CSMD1: variants seen among roughly 807,000 people sequenced by gnomAD.
CSMD1 encodes CUB and Sushi multiple domains 1.
A neutral mutation model predicts 417.5 loss-of-function variants in CSMD1; 213 were observed. The ratio of observed to expected loss-of-function variants is 0.51; its 90% CI spans 0.46 to 0.57. The LOEUF is 0.57. Among genes scored for constraint, CSMD1 ranks in the 20% least tolerant of loss-of-function variants. The pLI, the probability that CSMD1 is intolerant of heterozygous loss-of-function variation, is 0.00. For synonymous variants in CSMD1, 2,862 were observed against 1,736.8 expected (o/e 1.65, Z -16.11); for missense variants, 6,923 against 4,529.7 (o/e 1.53, Z -15.17).
At chr8:4,205,383 T>C (rs942789797) in intron 3 of CSMD1, among the ~76,000 whole-genome samples, 1 of 152,266 alleles carries the variant, frequency 6.6e-6, no homozygotes, top group African/African-American at 2.4e-5. Flanking sequence ...TGAACAATTT[T>C]TTAGCCTTGG....
At chr8:3,761,287 G>C (rs1026761480) in intron 5 of CSMD1, among the ~76,000 whole-genome samples, 56 of 152,030 alleles carry the variant, frequency 3.7e-4, no homozygotes, top group African/African-American at 1.3e-3. Flanking sequence ...ATAATACCCA[G>C]ACACAAATAT....
intron 12 of CSMD1, among the ~76,000 whole-genome samples, chr8:3,452,431 C>A (rs941904540): frequency 6.6e-6 from 1 of 152,130 alleles, no homozygotes; most frequent in Non-Finnish European, 1.5e-5. Context: ...TTTGCCCCTT[C>A]AGTATGATAT....
chr8:4,972,622 A>G (rs1286297786), intron 1 of CSMD1, among the ~76,000 whole-genome samples: 5 of 152,168 alleles, frequency 3.3e-5, no homozygotes, highest in Non-Finnish European at 7.3e-5. Context: ...TTATAGCAGT[A>G]TGAAAATGAA....
At chr8:4,978,489 C>G (rs946600792) in intron 1 of CSMD1, among the ~76,000 whole-genome samples, 3 of 152,164 alleles carry the variant, frequency 2.0e-5, no homozygotes, top group African/African-American at 7.2e-5. Context: ...TTTGATTTCA[C>G]TAACCGCTCC....
chr8:4,632,519 AG>A lies in CSMD1; in HGVS notation c.302+4822del, dbSNP rs374534150. Among the ~76,000 whole-genome samples, 801 of 152,240 alleles carry A rather than the reference AG, an allele frequency of 5.3e-3. 4 individuals are homozygous for A. Among genetic ancestry groups the A allele is most frequent in the Middle Eastern group, 0.044 (13 of 294 alleles). On this transcript the variant is annotated intron_variant, in intron 2 of 69. Transcript: ENST00000635120. ...AAGAGCAAAACTCCATCATGGGGGT[AG>A]GGGGAGCAGGGAAAAACTCAAGACG...
At chr8:3,834,612 C>T (rs553681735) in intron 5 of CSMD1, among the ~76,000 whole-genome samples, 16 of 152,264 alleles carry the variant, frequency 1.1e-4, no homozygotes, top group African/African-American at 3.4e-4. Flanking sequence ...GAAGGTAATA[C>T]GTTTCAGAGA....
chr8:4,050,292 G>A (rs926546838), intron 3 of CSMD1, among the ~76,000 whole-genome samples: 8 of 152,220 alleles, frequency 5.3e-5, no homozygotes, highest in African/African-American at 1.9e-4. Flanking sequence ...GAGGAACTAT[G>A]AGCAGCAGAA....
chr8:3,253,693 C>T (rs1017024944), intron 26 of CSMD1, among the ~76,000 whole-genome samples: 27 of 152,036 alleles, frequency 1.8e-4, no homozygotes, highest in Non-Finnish European at 3.7e-4. Context: ...TAAGGACTTG[C>T]TTTATGAATC....
chr8:4,248,910 AT>A (rs1338043815), intron 3 of CSMD1, among the ~76,000 whole-genome samples: 2 of 152,224 alleles, frequency 1.3e-5, no homozygotes. Context: ...TTTAGACCAT[AT>A]TGAGAATGCC....
At chr8:3,229,040 G>C (rs1798675577) in intron 27 of CSMD1, among the ~76,000 whole-genome samples, 1 of 152,100 alleles carries the variant, frequency 6.6e-6, no homozygotes, top group Non-Finnish European at 1.5e-5. Context: ...AACCTCATCT[G>C]TCTTCAGACA....
chr8:4,721,078 T>C (rs1004459751), intron 1 of CSMD1, among the ~76,000 whole-genome samples: 11 of 152,102 alleles, frequency 7.2e-5, no homozygotes, highest in African/African-American at 2.2e-4. Context: ...AAGAGTAACA[T>C]GAGGGTTAAG....
At chr8:3,666,650 C>A (rs1798710742) in intron 7 of CSMD1, among the ~76,000 whole-genome samples, 1 of 152,120 alleles carries the variant, frequency 6.6e-6, no homozygotes, top group African/African-American at 2.4e-5. Context: ...ATCATGGGGG[C>A]AGTTTCCCCC....
chr8:4,741,137 G>A (rs541934587), intron 1 of CSMD1, among the ~76,000 whole-genome samples: 2 of 152,238 alleles, frequency 1.3e-5, no homozygotes, highest in East Asian at 1.9e-4. Flanking sequence ...CAGAGCAAAT[G>A]TGTACACCCT....
chr8:3,728,398 A>G (rs1000124006), intron 6 of CSMD1, among the ~76,000 whole-genome samples: 1 of 152,220 alleles, frequency 6.6e-6, no homozygotes, highest in Non-Finnish European at 1.5e-5. Context: ...GTATGTCTTT[A>G]TCAGCAGCAT....
At chr8:3,624,126 T>G (rs919022867) in intron 7 of CSMD1, among the ~76,000 whole-genome samples, 3 of 152,186 alleles carry the variant, frequency 2.0e-5, no homozygotes. Flanking sequence ...CTTCCTTTCA[T>G]AAAATTTAAT....
intron 2 of CSMD1, among the ~76,000 whole-genome samples, chr8:4,627,423 T>C (rs567985200): frequency 6.6e-6 from 1 of 152,272 alleles, no homozygotes; most frequent in African/African-American, 2.4e-5. Flanking sequence ...AACAAACTAC[T>C]TCTGTGGATT....
rs530951670 is a variant in CSMD1 at position 3,080,719 on chromosome 8, C to T, written c.7474+6378G>A. Among the ~76,000 whole-genome samples, 25 of 152,210 alleles carry T rather than the reference C, an allele frequency of 1.6e-4. No individual in the cohort carries two copies. In the Middle Eastern group the frequency reaches 0.014, roughly 83 times the overall value. On this transcript the variant is annotated intron_variant, in intron 49 of 69. Transcript: ENST00000635120. The stretch of plus-strand genomic sequence containing the variant: ...TAATTGGCATGCATGTAATATCTGA[C>T]GGCTTATCCTATATTATTTATTGAA...
chr8:4,929,079 A>G (rs11136798), intron 1 of CSMD1, among the ~76,000 whole-genome samples: 3,288 of 152,188 alleles, frequency 0.022, 84 homozygotes, highest in African/African-American at 0.064. Context: ...CTAAACAACA[A>G]CAAAAAAAGG....
intron 2 of CSMD1, among the ~76,000 whole-genome samples, chr8:4,628,551 C>T (rs1267453254): frequency 5.9e-5 from 9 of 151,376 alleles, no homozygotes; most frequent in Non-Finnish European, 8.8e-5. Flanking sequence ...AGCATAAACA[C>T]AGATGTAATT....
Sources: gnomAD v4.1 joint callset for allele counts (sites outside exome capture counted in the v4.1 genomes callset) on GRCh38, gnomAD v4.1.1 for gene constraint, MANE v1.5 for transcripts, NCBI Gene and HGNC (gene_info 2026-07-23, HGNC 2026-07-21) for gene names.